CSF1R: variants seen among roughly 807,000 people sequenced by gnomAD.
CSF1R encodes the protein colony stimulating factor 1 receptor.
Under a neutral mutation model 110.0 loss-of-function variants are expected in CSF1R, and 40 were observed. The ratio of observed to expected loss-of-function variants is 0.36; its 90% CI spans 0.28 to 0.47. The LOEUF (loss-of-function observed/expected upper bound fraction) is 0.47, where lower values mean the gene tolerates loss of function less well. CSF1R is among the 20% of genes least tolerant of loss of function. The pLI, the probability that CSF1R is intolerant of heterozygous loss-of-function variation, is 0.99. For synonymous variants in CSF1R, 523 were observed against 503.4 expected (o/e 1.04, Z -0.52); for missense variants, 1,052 against 1,253.0 (o/e 0.84, Z 2.42).
chr5:150,066,128 C>T (rs1489774156), intron 10 of CSF1R, among the ~76,000 whole-genome samples: 1 of 152,174 alleles, frequency 6.6e-6, no homozygotes, highest in Non-Finnish European at 1.5e-5. Context: ...TGATGCCCGA[C>T]CTCAGACCTC....
In CSF1R at chr5:150,081,722, C is replaced by T. The variant is rs550403543; in HGVS notation, c.50-698G>A. 9.4e-4 allele frequency among the ~76,000 whole-genome samples: 143 copies of T among 152,294 alleles called. 1 individual carries two copies. Among genetic ancestry groups the T allele is most frequent in the African/African-American group, 3.3e-3 (137 of 41,556 alleles). On this transcript the variant is annotated intron_variant, in intron 1 of 20. Transcript: ENST00000675795. Reference sequence around the variant, plus strand: ...AATAAATGGCTCAGTAAGAGTTAGTCACTATGTTTATTACCTAGTCTACAC... The same window carrying T: ...AATAAATGGCTCAGTAAGAGTTAGTTACTATGTTTATTACCTAGTCTACAC...
intron 1 of CSF1R, among the ~76,000 whole-genome samples, chr5:150,102,796 A>G (rs1207545664): frequency 1.3e-5 from 2 of 152,344 alleles, no homozygotes; most frequent in East Asian, 3.9e-4. Context: ...ACTATTCGTT[A>G]TCTGTATTAT....
rs775963737 is a variant in CSF1R, at chr5:150,068,230, C to A, written c.1611G>T (p.Leu537Phe). ...ALLLLLLLLLLYKYKQKPKYQ... is the reference protein window; with the variant it reads ...ALLLLLLLLLFYKYKQKPKYQ... ...TCCGGCTCACCTGCTTATACTTGTACAATAGCAGCAGGAGCAGCAGCAGCA... is the reference window on the plus strand; with the variant it reads ...TCCGGCTCACCTGCTTATACTTGTAAAATAGCAGCAGGAGCAGCAGCAGCA... The change falls in exon 10 of 21, where the codon TTG becomes TTT. Residue 537 changes from leucine to phenylalanine, a missense_variant. Leu to Phe is a conservative substitution (Grantham distance 22, BLOSUM62 0). Transcript: ENST00000675795. 3 of 1,611,468 alleles carry A rather than the reference C, an allele frequency of 1.9e-6. No individual in the cohort carries two copies. The highest frequency in any genetic ancestry group is 1.3e-5 in the African/African-American group (1 of 74,902).
chr5:150,096,341 G>C (rs112912126), intron 1 of CSF1R, among the ~76,000 whole-genome samples: 1 of 152,062 alleles, frequency 6.6e-6, no homozygotes, highest in Non-Finnish European at 1.5e-5. Context: ...TGTGAGCTGA[G>C]ATCGTGCCAT....
rs752674247 is a variant in CSF1R at position 150,068,201 on chromosome 5, C to T, written c.1626+14G>A. On this transcript the variant is annotated intron_variant, in intron 10 of 20. Transcript: ENST00000675795. ...CACTCAGGCACCTGGCAGCCCCACT[C>T]CGCTCCGGCTCACCTGCTTATACTT... is the stretch of plus-strand genomic sequence containing the variant. 1.2e-6 allele frequency: 2 copies of T among 1,603,122 alleles called. No individual in the cohort carries two copies.
At chr5:150,060,550 GC>G (rs1190260828) in intron 13 of CSF1R, among the ~76,000 whole-genome samples, 40 of 152,090 alleles carry the variant, frequency 2.6e-4, no homozygotes, top group East Asian at 5.8e-4. Context: ...TAAGAGGTAG[GC>G]GGGGGGCTTC....
At chr5:150,111,274 C>T (rs1759709514) in intron 1 of CSF1R, among the ~76,000 whole-genome samples, 1 of 152,130 alleles carries the variant, frequency 6.6e-6, no homozygotes, top group South Asian at 2.1e-4. Flanking sequence ...AGAACCCCGG[C>T]CGTGAGTGGG....
At chr5:150,080,573 G>T (rs922249354) in intron 2 of CSF1R, among the ~76,000 whole-genome samples, 194 bp downstream of exon 2, 2 of 152,214 alleles carry the variant, frequency 1.3e-5, no homozygotes, top group Non-Finnish European at 2.9e-5. Context: ...TGCACTTCTA[G>T]AAAATGCATC....
chr5:150,111,107 C>T (rs1048588896), intron 1 of CSF1R, among the ~76,000 whole-genome samples: 10 of 152,004 alleles, frequency 6.6e-5, no homozygotes, highest in African/African-American at 1.7e-4. Flanking sequence ...ATTGCAAAAC[C>T]GAACATTATA....
rs2113772559 is a variant in CSF1R at position 150,054,129 on chromosome 5, G to A, written c.2859C>T (p.Cys953=). ...EEESSSEHLT[C]CEQGDIAQPL... is the part of the protein sequence containing the mutation. The stretch of plus-strand genomic sequence containing the variant: ...GCTGGGCGATATCCCCTTGCTCGCA[G>A]CAGGTCAGGTGCTCACTAGAGCTCT... The change falls in exon 21 of 21, where the codon TGC becomes TGT. Residue 953 remains cysteine, a synonymous_variant. Transcript: ENST00000675795. 1 of 1,614,006 alleles carries A rather than the reference G, an allele frequency of 6.2e-7. No homozygotes were observed. The highest frequency in any genetic ancestry group is 2.2e-5 in the East Asian group (1 of 44,880).
intron 1 of CSF1R, among the ~76,000 whole-genome samples, chr5:150,109,069 A>AAAAAAT (rs1759640840): frequency 2.0e-5 from 2 of 99,410 alleles, no homozygotes; most frequent in Non-Finnish European, 4.1e-5. Flanking sequence ...CCCCCCCCCC[A>AAAAAAT]CCACCCAAGA....
At position 150,078,121 on chromosome 5, in the gene CSF1R, G is replaced by C. The variant is rs754023795; in HGVS notation, c.720C>G (p.Asn240Lys). 1.8e-5 allele frequency: 29 copies of C among 1,614,016 alleles called. No homozygotes were observed. The highest frequency in any genetic ancestry group is 2.5e-5 in the Non-Finnish European group (29 of 1,179,994). ...DVNFDVFLQH[N>K]NTKLAIPQQS... ...ATCTGCAGGGACTGACCTTGGTGTT[G>C]TTGTGTTGGAGGAAGACATCAAAGT... Residue 240 changes from asparagine to lysine, a missense_variant, in exon 4 of 21, where the codon AAC becomes AAG. Around this residue, in one of 5 missense-constraint regions of CSF1R, gnomAD observed 693 missense variants for 735.4 expected, o/e 0.94. Transcript: ENST00000675795.
intron 6 of CSF1R, among the ~76,000 whole-genome samples, chr5:150,071,945 T>C (rs1309942685): frequency 3.3e-5 from 5 of 152,342 alleles, no homozygotes; most frequent in Middle Eastern, 3.4e-3. Flanking sequence ...GGTTTGGGCT[T>C]CCAGAGCTAG....
chr5:150,070,335 C>T, intron 7 of CSF1R, 33 bp from the exon 8 acceptor site: 1 of 1,606,934 alleles, frequency 6.2e-7, no homozygotes, highest in Non-Finnish European at 8.5e-7. Flanking sequence ...CCAAGTCACA[C>T]TTTCCCCGCC....
In CSF1R at chr5:150,077,399, G is replaced by C; in HGVS notation, c.766C>G (p.Arg256Gly). The C allele has an allele frequency of 1.2e-6, 2 of 1,613,870 alleles. No homozygotes were observed. The highest frequency in any genetic ancestry group is 1.3e-5 in the African/African-American group (1 of 75,032). ...IPQQSDFHNN[R>G]YQKVLTLNLD... is the part of the protein sequence containing the mutation. ...TTGAGGGTCAGGACTTTTTGGTAACGGTTATTATGAAAGTCAGATTGTTGA... is the reference window on the plus strand; with the variant it reads ...TTGAGGGTCAGGACTTTTTGGTAACCGTTATTATGAAAGTCAGATTGTTGA... The change falls in exon 5 of 21, where the codon CGT becomes GGT. Residue 256 changes from arginine (R) to glycine (G), a missense_variant. Around this residue, in one of 5 missense-constraint regions of CSF1R, gnomAD observed 693 missense variants for 735.4 expected, o/e 0.94. Coordinates refer to ENST00000675795, the MANE Select transcript of CSF1R (RefSeq NM_001288705.3).
chr5:150,092,926 G>GTC (rs59570217), intron 1 of CSF1R, among the ~76,000 whole-genome samples: 2,447 of 151,554 alleles, frequency 0.016, 67 homozygotes, highest in African/African-American at 0.055. Flanking sequence ...CGTGAATGTA[G>GTC]TCTCTCTCTC....
Position 150,059,719 on chromosome 5 carries a change from C to T in CSF1R, c.2113G>A (p.Glu705Lys), listed in dbSNP as rs766586864. The T allele has an allele frequency of 1.1e-5, 18 of 1,613,864 alleles. No homozygotes were observed. Among genetic ancestry groups the T allele is most frequent in the South Asian group, 9.9e-5 (9 of 91,076 alleles). Residue 705 changes from glutamate (E) to lysine (K), a missense_variant, in exon 14 of 21, where the codon GAG (glutamate) becomes AAG (lysine). Physicochemically the swap from Glu to Lys is moderately conservative, Grantham distance 56. Around this residue, in one of 5 missense-constraint regions of CSF1R, gnomAD observed 124 missense variants for 117.7 expected, o/e 1.05. Coordinates refer to ENST00000675795, the MANE Select transcript of CSF1R (RefSeq NM_001288705.3). Reference sequence around the variant, plus strand: ...GGCTACCTGCGGACATATTTCTTCTCGAGGTGGATGTTCTTATAGTCGACG... The same window carrying T: ...GGCTACCTGCGGACATATTTCTTCTTGAGGTGGATGTTCTTATAGTCGACG... ...GGVDYKNIHLEKKYVRRDSGF... is the reference protein window; with the variant it reads ...GGVDYKNIHLKKKYVRRDSGF...
At position 150,054,349 on chromosome 5, in the gene CSF1R, C is replaced by T. The variant is rs201061537; in HGVS notation, c.2736G>A (p.Glu912=). 23 of 1,614,022 alleles carry T rather than the reference C, an allele frequency of 1.4e-5. No homozygotes were observed. Among genetic ancestry groups the T allele is most frequent in the South Asian group, 6.6e-5 (6 of 91,068 alleles). The change falls in exon 20 of 21, where the codon GAG becomes GAA. Residue 912 remains glutamate, a synonymous_variant. Transcript: ENST00000675795. ...TFQQICSFLQ[E]QAQEDRRERD... is the part of the protein sequence containing the mutation. ...GCTCTCTCCTGTCCTCTTGGGCCTGCTCCTGAAGGAAGGAGCAGATCTGCT... is the reference window on the plus strand; with the variant it reads ...GCTCTCTCCTGTCCTCTTGGGCCTGTTCCTGAAGGAAGGAGCAGATCTGCT...
At chr5:150,064,796 T>C (rs752240871) in intron 10 of CSF1R, among the ~76,000 whole-genome samples, 3 of 152,274 alleles carry the variant, frequency 2.0e-5, no homozygotes, top group South Asian at 4.1e-4. Flanking sequence ...TTCTGAATCC[T>C]AGGCTCCTAA....
Sources: gnomAD v4.1 joint callset for allele counts (sites outside exome capture counted in the v4.1 genomes callset) on GRCh38, gnomAD v4.1.1 for gene constraint, gnomAD v4.1.1 regional missense constraint, MANE v1.5 for transcripts, NCBI Gene and HGNC (gene_info 2026-07-23, HGNC 2026-07-21) for gene names.